FGFR2: variants seen among roughly 807,000 people sequenced by gnomAD.
FGFR2 encodes the protein BEK fibroblast growth factor receptor.
In FGFR2, 19 loss-of-function variants were observed where a neutral mutation model predicts 95.9. The ratio of observed to expected loss-of-function variants is 0.20; its 90% CI spans 0.14 to 0.29. The LOEUF is 0.29. FGFR2 is among the 10% of genes least tolerant of loss of function. The pLI, the probability that FGFR2 is intolerant of heterozygous loss-of-function variation, is 1.00. For missense variants in FGFR2, 707 were observed against 1,056.9 expected, an observed-to-expected ratio of 0.67 and a Z score of 4.59; for synonymous variants, 392 against 393.3, an observed-to-expected ratio of 1.00 and a Z score of 0.04.
chr10:121,496,792 A>T (rs945566038), intron 12 of FGFR2, 70 bp from the exon 13 acceptor site: 1 of 1,360,608 alleles, frequency 7.3e-7, no homozygotes, highest in Admixed American at 1.9e-5. Context: ...TCAGCAAAAC[A>T]TTTTTAGTTA....
At chr10:121,494,295 T>C (rs57064798) in intron 13 of FGFR2, among the ~76,000 whole-genome samples, 1 of 152,294 alleles carries the variant, frequency 6.6e-6, no homozygotes, top group African/African-American at 2.4e-5. Flanking sequence ...TCTCTTACTG[T>C]CACCCATGGT....
intron 9 of FGFR2, among the ~76,000 whole-genome samples, chr10:121,514,345 C>T (rs113177591): frequency 3.9e-5 from 6 of 152,302 alleles, no homozygotes; most frequent in African/African-American, 1.2e-4. Context: ...CTATGCAGGG[C>T]TTTGGTTTAC....
chr10:121,495,071 G>A (rs1846604547), intron 13 of FGFR2, among the ~76,000 whole-genome samples: 1 of 152,100 alleles, frequency 6.6e-6, no homozygotes, highest in East Asian at 1.9e-4. Flanking sequence ...ACATTTGGAA[G>A]CGATATCTTG....
intron 6 of FGFR2, among the ~76,000 whole-genome samples, chr10:121,536,104 G>A (rs565428820): frequency 1.3e-5 from 2 of 152,298 alleles, no homozygotes; most frequent in African/African-American, 4.8e-5. Context: ...TGGGCCTGTG[G>A]GCTACCAGAA....
At chr10:121,575,611 T>C (rs1157451878) in intron 2 of FGFR2, among the ~76,000 whole-genome samples, 2 of 152,122 alleles carry the variant, frequency 1.3e-5, no homozygotes, top group Admixed American at 6.5e-5. Flanking sequence ...TCCCAGCACT[T>C]TGGCAGGCCG....
chr10:121,541,456 G>T (rs41295485), intron 5 of FGFR2, among the ~76,000 whole-genome samples: 1,773 of 151,850 alleles, frequency 0.012, 29 homozygotes, highest in African/African-American at 0.04. Context: ...AAGTTTGGGG[G>T]TTTTTTTTCA....
intron 13 of FGFR2, among the ~76,000 whole-genome samples, chr10:121,488,536 G>C (rs1251511560): frequency 2.5e-5 from 1 of 40,782 alleles, no homozygotes; most frequent in Non-Finnish European, 4.4e-5. Flanking sequence ...GTGAGACTCT[G>C]TCTCAAAAAA....
intron 6 of FGFR2, among the ~76,000 whole-genome samples, chr10:121,530,617 G>A (rs139386273): frequency 1.1e-4 from 17 of 152,196 alleles, no homozygotes; most frequent in East Asian, 3.9e-4. Context: ...ACAAGACTCC[G>A]TCTCATAAAA....
At chr10:121,548,237 CTTTTGGCCTTTT>C in intron 5 of FGFR2, among the ~76,000 whole-genome samples, 1 of 95,724 alleles carries the variant, frequency 1.0e-5, no homozygotes, top group African/African-American at 3.6e-5. Context: ...CCCTCTGCCG[CTTTTGGCCTTTT>C]TTTTTTTTTT....
In FGFR2 at chr10:121,598,301, C is replaced by A. The variant is rs1453178424; in HGVS notation, c.-490G>T. On this transcript the variant is annotated 5_prime_UTR_variant, in exon 1 of 18. Transcript: ENST00000358487. ...GGGCCCCCGGGGCTCGCGGCCGGCC[C>A]CCGCCAGCCCGGAGAGCAGTCGCCG... 8 of 359,898 alleles carry A rather than the reference C, an allele frequency of 2.2e-5. No individual in the cohort carries two copies. The East Asian group carries it at 3.1e-4, about 14-fold the overall frequency. The allele number at this position is 359,898 out of a possible 1,614,324, so 22.3% of individuals were successfully genotyped here. A position where few individuals can be genotyped will look rare whatever the true frequency, so the allele number is the denominator to read the frequency against.
At chr10:121,574,392 G>A (rs1398722067) in intron 2 of FGFR2, among the ~76,000 whole-genome samples, 1 of 152,058 alleles carries the variant, frequency 6.6e-6, no homozygotes, top group Non-Finnish European at 1.5e-5. Flanking sequence ...AGATGGGCAT[G>A]GTGGTGTGTG....
chr10:121,517,490 A>T lies in FGFR2; in HGVS notation c.940-27T>A, dbSNP rs2134261867. 1 of 1,613,960 alleles carries T rather than the reference A, an allele frequency of 6.2e-7. No individual in the cohort carries two copies. The highest frequency in any genetic ancestry group is 8.5e-7 in the Non-Finnish European group (1 of 1,179,956). On this transcript the variant is annotated intron_variant, in intron 7 of 17. Transcript: ENST00000358487. This position sits in a 1 kb window ranked among gnomAD's most constrained non-coding sequence, Gnocchi z 4.7. The stretch of plus-strand genomic sequence containing the variant: ...TAGAAAACAAGGGAAGCAAAAGAAA[A>T]GGCTAGACGACACAGGAATGATTGT...
rs1294518519 is a variant in FGFR2 at position 121,593,739 on chromosome 10, A to C, written c.79T>G (p.Leu27Val). ...GGCTCTAATGTGGTATCCTCAACTA[A>C]ACTGAAGGAGGGCCGGGCCAGGGAC... is the stretch of plus-strand genomic sequence containing the variant. ...TLSLARPSFS[L>V]VEDTTLEPEE... Residue 27 changes from leucine to valine, a missense_variant, in exon 2 of 18, where the codon TTA becomes GTA. By Grantham distance (32) the Leu-to-Val change is conservative. Around this residue, in one of 7 missense-constraint regions of FGFR2, gnomAD observed 178 missense variants for 194.1 expected, o/e 0.92. Transcript: ENST00000358487. The C allele has an allele frequency of 1.2e-6, 2 of 1,614,154 alleles. No homozygotes were observed. Among genetic ancestry groups the C allele is most frequent in the African/African-American group, 1.3e-5 (1 of 75,062 alleles).
At chr10:121,505,311 A>G (rs367768874) in intron 9 of FGFR2, among the ~76,000 whole-genome samples, 40 of 152,232 alleles carry the variant, frequency 2.6e-4, no homozygotes, top group Non-Finnish European at 5.7e-4. Context: ...AGTTGTTTTC[A>G]GTATTAAAAT....
intron 10 of FGFR2, among the ~76,000 whole-genome samples, chr10:121,502,740 A>T (rs1267117220): frequency 6.6e-6 from 1 of 152,220 alleles, no homozygotes; most frequent in Non-Finnish European, 1.5e-5. Flanking sequence ...ATTCCAGTGT[A>T]TGTGATGCAG....
intron 13 of FGFR2, among the ~76,000 whole-genome samples, chr10:121,489,322 C>T (rs1309337925): frequency 6.6e-6 from 1 of 152,122 alleles, no homozygotes; most frequent in East Asian, 1.9e-4. Flanking sequence ...GAGCCATCCG[C>T]CTCGGCCTCC....
intron 15 of FGFR2, among the ~76,000 whole-genome samples, chr10:121,486,048 A>G (rs2133808601): frequency 6.6e-6 from 1 of 152,338 alleles, no homozygotes; most frequent in Non-Finnish European, 1.5e-5. Flanking sequence ...ATGAGGAATC[A>G]CATGCCCCAG....
intron 2 of FGFR2, among the ~76,000 whole-genome samples, chr10:121,582,200 G>A (rs146997064): frequency 0.013 from 1,982 of 152,074 alleles, 18 homozygotes; most frequent in Non-Finnish European, 0.022. Flanking sequence ...AAAGTGCTGG[G>A]ATTACAGGCG....
In FGFR2 at chr10:121,497,737, T is replaced by C. The variant is rs145749115; in HGVS notation, c.1672+758A>G. ...ACCGCCTGTTTGGGTAATTAAATTT[T>C]ATTGGCATGCAGCCAGGTCCATTCA... On this transcript the variant is annotated intron_variant, in intron 12 of 17. Coordinates refer to ENST00000358487, the MANE Select transcript of FGFR2 (RefSeq NM_000141.5). Among the ~76,000 whole-genome samples, 70 of 152,356 alleles carry C rather than the reference T, an allele frequency of 4.6e-4. 2 individuals are homozygous for C. In the East Asian group the frequency reaches 0.012, roughly 27 times the overall value.
Sources: allele counts gnomAD v4.1 joint callset (sites outside exome capture counted in the v4.1 genomes callset), GRCh38; gene constraint gnomAD v4.1.1; regional missense constraint gnomAD v4.1.1; non-coding constraint Gnocchi (gnomAD v3.1); transcripts MANE v1.5; gene names NCBI Gene and HGNC (gene_info 2026-07-23, HGNC 2026-07-21).